Variants in AKT3 observed in about 807,000 individuals in gnomAD.
The protein encoded by AKT3 is AKT serine/threonine kinase 3.
Under a neutral mutation model 65.3 loss-of-function variants are expected in AKT3, and 15 were observed. That is an observed-to-expected ratio of 0.23 (90% CI 0.15 to 0.35). The LOEUF is 0.35. Ranked by LOEUF, AKT3 falls within the 10% of genes least tolerant of loss-of-function variation. The pLI is 1.00. For missense variants in AKT3, 243 were observed against 576.5 expected (o/e 0.42, Z 5.92); for synonymous variants, 206 against 183.8 (o/e 1.12, Z -0.98).
intron 2 of AKT3, among the ~76,000 whole-genome samples, chr1:243,701,278 C>T (rs1338261665): frequency 6.6e-6 from 1 of 152,166 alleles, no homozygotes; most frequent in Admixed American, 6.5e-5. Context: ...AATAATTCAG[C>T]CTTGTGACCT....
intron 4 of AKT3, among the ~76,000 whole-genome samples, chr1:243,656,671 C>T (rs991861861): frequency 1.3e-5 from 2 of 152,134 alleles, no homozygotes; most frequent in African/African-American, 2.4e-5. Flanking sequence ...TGTAAGAGCA[C>T]AGTATAGCAT....
At chr1:243,517,032 T>A (rs1402799936) in intron 12 of AKT3, among the ~76,000 whole-genome samples, 1 of 152,202 alleles carries the variant, frequency 6.6e-6, no homozygotes, top group Non-Finnish European at 1.5e-5. Context: ...GCTAAACACA[T>A]TGTGTTTTCG....
At chr1:243,557,794 G>A (rs1673507425) in intron 10 of AKT3, among the ~76,000 whole-genome samples, 1 of 151,850 alleles carries the variant, frequency 6.6e-6, no homozygotes, top group Admixed American at 6.6e-5. Context: ...GAATTCCCAG[G>A]AAGATGAAGG....
intron 10 of AKT3, among the ~76,000 whole-genome samples, chr1:243,555,986 C>T (rs1673382287): frequency 6.6e-6 from 1 of 151,968 alleles, no homozygotes; most frequent in Non-Finnish European, 1.5e-5. Flanking sequence ...AACACAAATG[C>T]CCAAACAGAG....
Position 243,529,107 on chromosome 1 carries a change from G to A in AKT3, c.1251+16403C>T, listed in dbSNP as rs967512651. On this transcript the variant is annotated intron_variant, in intron 12 of 13. Transcript: ENST00000673466. The stretch of plus-strand genomic sequence containing the variant: ...TTGGCCACATGTATGTCTTCTTTTG[G>A]GAAGTGTCTGTCCATGTCCCTTGCC... Among the ~76,000 whole-genome samples the A allele has an allele frequency of 4.7e-5, 7 of 149,122 alleles. 1 individual carries two copies. Among genetic ancestry groups the A allele is most frequent in the Middle Eastern group, 7.0e-3 (2 of 284 alleles).
At chr1:243,800,848 G>A (rs1692339406) in intron 2 of AKT3, among the ~76,000 whole-genome samples, 2 of 152,104 alleles carry the variant, frequency 1.3e-5, no homozygotes, top group African/African-American at 2.4e-5. Context: ...ACAATGATAT[G>A]CACCATTTCT....
At chr1:243,540,767 G>A (rs1258358056) in intron 12 of AKT3, among the ~76,000 whole-genome samples, 1 of 152,082 alleles carries the variant, frequency 6.6e-6, no homozygotes, top group Non-Finnish European at 1.5e-5. Flanking sequence ...TCCAATCTAT[G>A]AGTGTTCCAT....
At chr1:243,636,850 G>A (rs1479202978) in intron 6 of AKT3, among the ~76,000 whole-genome samples, 2 of 152,034 alleles carry the variant, frequency 1.3e-5, no homozygotes, top group Non-Finnish European at 2.9e-5. Context: ...AAGGAGTTGA[G>A]GTCAAAACAA....
At position 243,645,800 on chromosome 1, in the gene AKT3, A is replaced by T. The variant is rs557853290; in HGVS notation, c.429+93T>A. 1.6e-5 allele frequency: 21 copies of T among 1,286,148 alleles called. No homozygotes were observed. The South Asian group carries it at 3.2e-4, about 20-fold the overall frequency. The allele number at this position is 1,286,148 out of a possible 1,614,324, so 79.7% of individuals were successfully genotyped here. On this transcript the variant is annotated intron_variant, in intron 5 of 13. Coordinates refer to ENST00000673466, the MANE Select transcript of AKT3 (RefSeq NM_005465.7). ...ACCAATATATTTACATATCGTAAGAAAACTGGCTGACATCTTTCTGCAAAT... is the reference window on the plus strand; with the variant it reads ...ACCAATATATTTACATATCGTAAGATAACTGGCTGACATCTTTCTGCAAAT...
intron 3 of AKT3, among the ~76,000 whole-genome samples, chr1:243,672,398 C>A (rs1027486882): frequency 6.6e-6 from 1 of 152,210 alleles, no homozygotes; most frequent in Admixed American, 6.5e-5. Flanking sequence ...CAATCCAGCT[C>A]CGCATTGCTA....
chr1:243,494,522 C>T (rs1667322010), intron 13 of AKT3, among the ~76,000 whole-genome samples: 1 of 152,168 alleles, frequency 6.6e-6, no homozygotes, highest in South Asian at 2.1e-4. Flanking sequence ...AGAAACTTCC[C>T]CAAACACCTC....
rs139957071 is a variant in AKT3, at chr1:243,553,685, C to T, written c.949-742G>A. Among the ~76,000 whole-genome samples the T allele has an allele frequency of 4.8e-3, 730 of 152,160 alleles. 6 individuals are homozygous for T. Among genetic ancestry groups the T allele is most frequent in the African/African-American group, 0.016 (685 of 41,528 alleles). ...TAAATTTTTCCCAAAATATATTACA[C>T]GTAAAATAAATTTAGTTAGAAATGA... On this transcript the variant is annotated intron_variant, in intron 10 of 13. Coordinates refer to ENST00000673466, the MANE Select transcript of AKT3 (RefSeq NM_005465.7).
rs79757757 is a variant in AKT3 at position 243,583,785 on chromosome 1, A to G, written c.697-10737T>C. ...ATTTGAAATAAATGAAAATAGGTAC[A>G]CAACACACCAAAATTCCAGGGACGC... On this transcript the variant is annotated intron_variant, in intron 8 of 13. Transcript: ENST00000673466. Among the ~76,000 whole-genome samples the G allele has an allele frequency of 2.6e-3, 391 of 152,238 alleles. 5 individuals are homozygous for G. Among genetic ancestry groups the G allele is most frequent in the African/African-American group, 9.2e-3 (381 of 41,564 alleles).
At chr1:243,489,946 G>T (rs975908721) in intron 13 of AKT3, among the ~76,000 whole-genome samples, 1 of 152,176 alleles carries the variant, frequency 6.6e-6, no homozygotes, top group African/African-American at 2.4e-5. Context: ...GAGAGGCTGT[G>T]CATTTTGCCC....
intron 2 of AKT3, among the ~76,000 whole-genome samples, chr1:243,760,168 G>A (rs886930867): frequency 1.3e-5 from 2 of 152,100 alleles, no homozygotes; most frequent in African/African-American, 2.4e-5. Flanking sequence ...CGCCCAGACA[G>A]GAGTACGGTG....
At chr1:243,563,912 TA>T (rs1673974089) in intron 9 of AKT3, 64 bp from the exon 10 acceptor site, 2 of 1,484,882 alleles carry the variant, frequency 1.3e-6, no homozygotes, top group Non-Finnish European at 1.8e-6. Flanking sequence ...AATACCATTT[TA>T]AAAAACTACT....
At position 243,613,855 on chromosome 1, in the gene AKT3, A is replaced by G. The variant is rs1678081382; in HGVS notation, c.628-116T>C. 6 of 599,358 alleles carry G rather than the reference A, an allele frequency of 1.0e-5. No homozygotes were observed. In the East Asian group the frequency reaches 1.9e-4, roughly 19 times the overall value. The allele number at this position is 599,358 out of a possible 1,614,324, so 37.1% of individuals were successfully genotyped here. A position where few individuals can be genotyped will look rare whatever the true frequency, so the allele number is the denominator to read the frequency against. ...AGCATGAAAGATGAAAAGAATTGTT[A>G]TTGTTTAAGAGTTTATTTACTACTT... On this transcript the variant is annotated intron_variant, in intron 7 of 13. Coordinates refer to ENST00000673466, the MANE Select transcript of AKT3 (RefSeq NM_005465.7).
intron 2 of AKT3, among the ~76,000 whole-genome samples, chr1:243,746,936 G>A (rs1411947000): frequency 6.6e-6 from 1 of 152,148 alleles, no homozygotes; most frequent in Non-Finnish European, 1.5e-5. Context: ...ACAACTGCAA[G>A]CTGCCATGCT....
intron 12 of AKT3, among the ~76,000 whole-genome samples, chr1:243,527,762 C>T (rs1671206850): frequency 6.7e-6 from 1 of 149,118 alleles, no homozygotes; most frequent in African/African-American, 2.6e-5. Flanking sequence ...ACCTGTAGGC[C>T]CAGCTATTCG....
Sources: allele counts gnomAD v4.1 joint callset (sites outside exome capture counted in the v4.1 genomes callset), GRCh38; gene constraint gnomAD v4.1.1; transcripts MANE v1.5; gene names NCBI Gene and HGNC (gene_info 2026-07-23, HGNC 2026-07-21).